Variants in SERPINI2 observed in about 807,000 individuals in gnomAD.
The protein encoded by SERPINI2 is serpin family I member 2, also known as serpin I2.
SERPINI2 carries 48 observed loss-of-function variants against 47.3 expected under a neutral mutation model. The ratio of observed to expected loss-of-function variants is 1.02; its 90% CI spans 0.81 to 1.29. The LOEUF (loss-of-function observed/expected upper bound fraction) is 1.29, where lower values mean the gene tolerates loss of function less well. Ranked by LOEUF, SERPINI2 falls within the 50% of genes most tolerant of loss-of-function variation. The probability of loss-of-function intolerance (pLI) is 0.00; values close to 1 mark genes in which losing one functional copy is unlikely to be tolerated. For missense variants in SERPINI2, 448 were observed against 456.9 expected, an observed-to-expected ratio of 0.98 and a Z score of 0.18; for synonymous variants, 135 against 149.3, an observed-to-expected ratio of 0.90 and a Z score of 0.70.
chr3:167,454,718 C>T (rs1749737797), intron 5 of SERPINI2, among the ~76,000 whole-genome samples: 1 of 152,138 alleles, frequency 6.6e-6, no homozygotes, highest in African/African-American at 2.4e-5. Context: ...ATGAAACCTA[C>T]AGCAATAAAA....
chr3:167,463,598 G>A lies in SERPINI2; in HGVS notation c.866+1608C>T, dbSNP rs1750047263. On this transcript the variant is annotated intron_variant, in intron 5 of 8. Transcript: ENST00000264677. The stretch of plus-strand genomic sequence containing the variant: ...AAAGCTTTTCCAGAAAAAAAGGGAT[G>A]GTTAATAATACTTTGATCAAGATCC... Among the ~76,000 whole-genome samples the A allele has an allele frequency of 2.0e-5, 3 of 152,074 alleles. No individual in the cohort carries two copies. In the South Asian group the frequency reaches 6.2e-4, roughly 31 times the overall value.
intron 5 of SERPINI2, among the ~76,000 whole-genome samples, chr3:167,459,059 C>G (rs1749900154): frequency 6.6e-6 from 1 of 151,630 alleles, no homozygotes; most frequent in Admixed American, 6.6e-5. Context: ...GATTCTTCAA[C>G]CAAAGGAAGT....
intron 8 of SERPINI2, among the ~76,000 whole-genome samples, chr3:167,445,839 T>G (rs1442408197): frequency 6.6e-6 from 1 of 152,172 alleles, no homozygotes. Flanking sequence ...AATCCACTAC[T>G]TCTACACTCC....
chr3:167,447,954 T>A (rs1283027238), intron 7 of SERPINI2, among the ~76,000 whole-genome samples: 1 of 152,212 alleles, frequency 6.6e-6, no homozygotes, highest in East Asian at 1.9e-4. Context: ...TGCAAATTAA[T>A]CAAGAAATTA....
chr3:167,461,713 T>A (rs774748952), intron 5 of SERPINI2, among the ~76,000 whole-genome samples: 19 of 151,920 alleles, frequency 1.3e-4, no homozygotes, highest in African/African-American at 2.2e-4. Flanking sequence ...TGGGCTCAAG[T>A]GATCCTCCTG....
chr3:167,448,624 GC>G (rs1381099754), intron 7 of SERPINI2, among the ~76,000 whole-genome samples: 1 of 152,130 alleles, frequency 6.6e-6, no homozygotes, highest in Non-Finnish European at 1.5e-5. Context: ...CTGGGTTCAC[GC>G]CATTCTCCTG....
At chr3:167,446,864 T>C (rs1190330159) in intron 7 of SERPINI2, 1 of 154,310 alleles carries the variant, frequency 6.5e-6, no homozygotes, top group African/African-American at 2.4e-5. Flanking sequence ...TTTAGGTATA[T>C]TTGCACTTCG....
At chr3:167,467,313 C>T in intron 2 of SERPINI2, 28 bp from the exon 3 acceptor site, 1 of 1,481,390 alleles carries the variant, frequency 6.8e-7, no homozygotes, top group Non-Finnish European at 9.3e-7. Flanking sequence ...TGTATATTGG[C>T]ATATTGAACA....
chr3:167,448,930 G>A (rs565424316), intron 7 of SERPINI2, among the ~76,000 whole-genome samples: 6 of 152,254 alleles, frequency 3.9e-5, no homozygotes, highest in East Asian at 3.9e-4. Context: ...GCAAAGTGGT[G>A]ACTAACTTGG....
intron 7 of SERPINI2, among the ~76,000 whole-genome samples, chr3:167,447,169 T>C (rs1749503412): frequency 2.0e-5 from 3 of 152,160 alleles, no homozygotes; most frequent in Non-Finnish European, 4.4e-5. Flanking sequence ...TATTTCCCAA[T>C]AATTGAATTA....
chr3:167,469,511 G>A (rs1450608109), intron 2 of SERPINI2: 1 of 152,166 alleles, frequency 6.6e-6, no homozygotes, highest in Non-Finnish European at 1.5e-5. Flanking sequence ...GACATGACTT[G>A]TGCCAAATCA....
At chr3:167,457,797 T>G (rs1749842282) in intron 5 of SERPINI2, among the ~76,000 whole-genome samples, 1 of 152,218 alleles carries the variant, frequency 6.6e-6, no homozygotes, top group African/African-American at 2.4e-5. Flanking sequence ...GTACTAGAAC[T>G]TTCCCAATGG....
At chr3:167,454,364 C>A (rs563830613) in intron 5 of SERPINI2, among the ~76,000 whole-genome samples, 57 of 152,284 alleles carry the variant, frequency 3.7e-4, no homozygotes, top group African/African-American at 1.3e-3. Flanking sequence ...GGAATGGACA[C>A]AACATGCACA....
chr3:167,462,781 T>C (rs1218368125), intron 5 of SERPINI2, among the ~76,000 whole-genome samples: 4 of 152,124 alleles, frequency 2.6e-5, no homozygotes, highest in Non-Finnish European at 5.9e-5. Flanking sequence ...CGTTCAAAGT[T>C]GTCTACACTG....
At chr3:167,462,790 T>C (rs1168756926) in intron 5 of SERPINI2, among the ~76,000 whole-genome samples, 1 of 152,054 alleles carries the variant, frequency 6.6e-6, no homozygotes, top group Non-Finnish European at 1.5e-5. Flanking sequence ...TTGTCTACAC[T>C]GTGGGAATAG....
chr3:167,476,285 T>C (rs892070317), upstream of SERPINI2, among the ~76,000 whole-genome samples: 1 of 151,892 alleles, frequency 6.6e-6, no homozygotes. Context: ...GAAAATTAGA[T>C]GCTGTGAGTT....
At chr3:167,445,558 C>T (rs1265750941) in intron 8 of SERPINI2, among the ~76,000 whole-genome samples, 1 of 152,076 alleles carries the variant, frequency 6.6e-6, no homozygotes, top group African/African-American at 2.4e-5. Context: ...AATTTCACAC[C>T]CTCTGTCTAT....
chr3:167,474,189 AATGAT>A, upstream of SERPINI2: 4 of 908,964 alleles, frequency 4.4e-6, no homozygotes, highest in South Asian at 2.0e-4. Context: ...CAATCGGGTT[AATGAT>A]CAACTGATGA....
exon 2 of SERPINI2, chr3:167,471,701 ATGT>A: frequency 5.0e-6 from 8 of 1,613,622 alleles, no homozygotes; most frequent in South Asian, 1.1e-5. Context: ...TGAAAATATA[ATGT>A]TGTCCTTATG....
Sources: gnomAD v4.1 joint callset for allele counts (sites outside exome capture counted in the v4.1 genomes callset) on GRCh38, gnomAD v4.1.1 for gene constraint, MANE v1.5 for transcripts, NCBI Gene and HGNC (gene_info 2026-07-23, HGNC 2026-07-21) for gene names.